Variants in IQCM observed in about 807,000 individuals in gnomAD.
IQCM encodes IQ domain-containing protein M.
In IQCM, 45 loss-of-function variants were observed where a neutral mutation model predicts 57.6. The observed-to-expected ratio is 0.78, with a 90% CI of 0.62 to 1.00. The LOEUF (loss-of-function observed/expected upper bound fraction) is 1.00, where lower values mean the gene tolerates loss of function less well. Ranked by LOEUF, IQCM falls within the 50% of genes least tolerant of loss-of-function variation. The probability of loss-of-function intolerance (pLI) is 0.00; values close to 1 mark genes in which losing one functional copy is unlikely to be tolerated. For synonymous variants in IQCM, 148 were observed against 158.9 expected, an observed-to-expected ratio of 0.93 and a Z score of 0.51; for missense variants, 468 against 511.6, an observed-to-expected ratio of 0.91 and a Z score of 0.82.
At chr4:149,814,245 C>T (rs1000721235) in intron 2 of IQCM, among the ~76,000 whole-genome samples, 6 of 151,938 alleles carry the variant, frequency 3.9e-5, no homozygotes, top group Non-Finnish European at 8.8e-5. Flanking sequence ...TATTGAAGTA[C>T]AAATGTCTAT....
intron 7 of IQCM, among the ~76,000 whole-genome samples, chr4:149,641,554 G>T (rs1019659892): frequency 1.3e-5 from 2 of 152,026 alleles, no homozygotes; most frequent in Non-Finnish European, 2.9e-5. Context: ...TTGTAAATGG[G>T]ATGTAAATGT....
At chr4:149,810,951 G>A (rs140036937) in intron 2 of IQCM, among the ~76,000 whole-genome samples, 2,420 of 152,198 alleles carry the variant, frequency 0.016, 30 homozygotes, top group Non-Finnish European at 0.026. Context: ...GAAGTAGTAG[G>A]TGGTGCCTGA....
At chr4:149,599,721 C>A (rs1754098044) in intron 8 of IQCM, among the ~76,000 whole-genome samples, 1 of 152,138 alleles carries the variant, frequency 6.6e-6, no homozygotes, top group African/African-American at 2.4e-5. Flanking sequence ...ATCCAAATTT[C>A]TCCTGTGGTT....
At chr4:149,629,913 G>T (rs1017299632) in intron 7 of IQCM, among the ~76,000 whole-genome samples, 2 of 125,034 alleles carry the variant, frequency 1.6e-5, no homozygotes, top group Non-Finnish European at 3.2e-5. Flanking sequence ...CTTTAATAAA[G>T]ATACATAATA....
chr4:149,383,005 A>G lies in IQCM; in HGVS notation c.1391-30939T>C, dbSNP rs571252362. ...CATATTCTTCAGCAAAAAAAAAAAAAAAAGAAAAATTATACTGAGGCATCA... is the reference window on the plus strand; with the variant it reads ...CATATTCTTCAGCAAAAAAAAAAAAGAAAGAAAAATTATACTGAGGCATCA... On this transcript the variant is annotated intron_variant, in intron 13 of 13. Transcript: ENST00000636793. 5.9e-4 allele frequency among the ~76,000 whole-genome samples: 89 copies of G among 152,030 alleles called. 1 individual carries two copies. In the South Asian group the frequency reaches 0.016, roughly 27 times the overall value.
chr4:149,417,930 C>A (rs1733861475), intron 13 of IQCM, among the ~76,000 whole-genome samples: 1 of 149,108 alleles, frequency 6.7e-6, no homozygotes, highest in African/African-American at 2.5e-5. Context: ...ATAATTATCA[C>A]CTATATAGTC....
chr4:149,747,394 C>T (rs1394049), intron 2 of IQCM, among the ~76,000 whole-genome samples: 4,595 of 152,282 alleles, frequency 0.03, 401 homozygotes, highest in East Asian at 0.23. Flanking sequence ...TGCACACCCT[C>T]CCATATAGTT....
intron 13 of IQCM, among the ~76,000 whole-genome samples, chr4:149,432,018 T>C (rs1012874186): frequency 3.3e-5 from 5 of 151,264 alleles, no homozygotes; most frequent in Admixed American, 2.6e-4. Flanking sequence ...TTTATATATA[T>C]TGTGTATATA....
chr4:149,698,571 C>A (rs1763514765), intron 5 of IQCM, among the ~76,000 whole-genome samples: 1 of 151,952 alleles, frequency 6.6e-6, no homozygotes, highest in African/African-American at 2.4e-5. Context: ...AGCAATAGTG[C>A]AAAATGTACT....
rs573612905 is a variant in IQCM at position 149,511,945 on chromosome 4, A to G, written c.1228+36510T>C. ...CTTTATTCATTCATTTATTCAATCA[A>G]TATTTATTGTATACCTCCTTTGCGC... is the stretch of plus-strand genomic sequence containing the variant. On this transcript the variant is annotated intron_variant, in intron 12 of 13. Transcript: ENST00000636793. Among the ~76,000 whole-genome samples the G allele has an allele frequency of 6.6e-5, 10 of 152,252 alleles. No individual in the cohort carries two copies. The South Asian group carries it at 1.5e-3, about 22-fold the overall frequency.
chr4:149,468,385 A>G (rs1739105783), intron 12 of IQCM, among the ~76,000 whole-genome samples: 1 of 152,214 alleles, frequency 6.6e-6, no homozygotes, highest in Non-Finnish European at 1.5e-5. Flanking sequence ...CTGCTAGCAC[A>G]GTAGTCTGAG....
chr4:149,493,029 T>C (rs1015369361), intron 12 of IQCM, among the ~76,000 whole-genome samples: 5 of 152,004 alleles, frequency 3.3e-5, no homozygotes, highest in African/African-American at 7.2e-5. Flanking sequence ...CATCAGGTGG[T>C]GGTGGGTATA....
intron 5 of IQCM, among the ~76,000 whole-genome samples, chr4:149,722,450 A>G (rs995433475): frequency 1.3e-5 from 2 of 151,844 alleles, no homozygotes; most frequent in Non-Finnish European, 2.9e-5. Context: ...TCTTTAATCT[A>G]TCTTAATTTT....
intron 13 of IQCM, among the ~76,000 whole-genome samples, chr4:149,414,315 A>C (rs1733592606): frequency 6.6e-6 from 1 of 152,182 alleles, no homozygotes; most frequent in Non-Finnish European, 1.5e-5. Flanking sequence ...TCTTCATAAA[A>C]GATGATTTTG....
chr4:149,804,978 C>T (rs1773939060), intron 2 of IQCM, among the ~76,000 whole-genome samples: 1 of 152,030 alleles, frequency 6.6e-6, no homozygotes, highest in Non-Finnish European at 1.5e-5. Context: ...TGCCTCTAAT[C>T]TTGAATGATG....
chr4:149,730,089 G>C (rs1429503803), intron 5 of IQCM, among the ~76,000 whole-genome samples: 1 of 152,172 alleles, frequency 6.6e-6, no homozygotes, highest in Non-Finnish European at 1.5e-5. Context: ...GGTGGTGGCA[G>C]TTTTTACCAT....
intron 12 of IQCM, among the ~76,000 whole-genome samples, chr4:149,466,634 C>G (rs181960888): frequency 3.8e-4 from 58 of 152,214 alleles, no homozygotes; most frequent in Admixed American, 1.4e-3. Context: ...TGAGATTTGT[C>G]CCTGTAACTT....
chr4:149,612,687 G>A (rs1361134721), intron 8 of IQCM, among the ~76,000 whole-genome samples: 1 of 151,112 alleles, frequency 6.6e-6, no homozygotes, highest in East Asian at 1.9e-4. Flanking sequence ...CTATGTAACT[G>A]TAACTGTAAA....
intron 12 of IQCM, among the ~76,000 whole-genome samples, chr4:149,524,276 A>C (rs1745945569): frequency 6.6e-6 from 1 of 152,106 alleles, no homozygotes; most frequent in Non-Finnish European, 1.5e-5. Flanking sequence ...GCAGCACAGG[A>C]AATTTTCTGG....
Sources: gnomAD v4.1 joint callset for allele counts (sites outside exome capture counted in the v4.1 genomes callset) on GRCh38, gnomAD v4.1.1 for gene constraint, MANE v1.5 for transcripts, NCBI Gene and HGNC (gene_info 2026-07-23, HGNC 2026-07-21) for gene names.